SUCLG2: variants seen among roughly 807,000 people sequenced by gnomAD.
SUCLG2 encodes the protein succinate-CoA ligase GDP-forming subunit beta.
In SUCLG2, 42 loss-of-function variants were observed where a neutral mutation model predicts 47.9. The observed-to-expected ratio is 0.88, with a 90% CI of 0.69 to 1.14. The LOEUF (loss-of-function observed/expected upper bound fraction) is 1.14, where lower values mean the gene tolerates loss of function less well. Among genes scored for constraint, SUCLG2 ranks in the 50% most tolerant of loss-of-function variants. SUCLG2 has a pLI of 0.00. For synonymous variants in SUCLG2, 195 were observed against 197.3 expected (o/e 0.99, Z 0.10); for missense variants, 571 against 525.9 (o/e 1.09, Z -0.84).
intron 7 of SUCLG2, among the ~76,000 whole-genome samples, chr3:67,505,286 A>G (rs1411950268): frequency 1.3e-5 from 2 of 152,238 alleles, no homozygotes; most frequent in Non-Finnish European, 2.9e-5. Flanking sequence ...GATTCTCTTC[A>G]GGCCTTAAGC....
At position 67,528,185 on chromosome 3, in the gene SUCLG2, C is replaced by T; in HGVS notation, c.364G>A (p.Gly122Arg). Residue 122 changes from glycine (G) to arginine (R), a missense_variant, in exon 4 of 11, where the codon GGG becomes AGG. Transcript: ENST00000307227. ...VVGQLAKQMI[G>R]YNLATKQTPK... ...GTTTGTTTTGTCGCTAGATTGTACC[C>T]AATCATCTGTTTAGCCAGCTGTCCC... 6.2e-7 allele frequency: 1 copy of T among 1,613,878 alleles called. No homozygotes were observed. Among genetic ancestry groups the T allele is most frequent in the Non-Finnish European group, 8.5e-7 (1 of 1,179,866 alleles).
intron 10 of SUCLG2, among the ~76,000 whole-genome samples, chr3:67,392,957 G>A (rs1339067389): frequency 6.6e-6 from 1 of 152,076 alleles, no homozygotes; most frequent in African/African-American, 2.4e-5. Context: ...TGGGACTAGA[G>A]GCATGCATCA....
intron 9 of SUCLG2, among the ~76,000 whole-genome samples, chr3:67,409,391 A>T (rs934708964): frequency 6.6e-6 from 1 of 152,168 alleles, no homozygotes; most frequent in Non-Finnish European, 1.5e-5. Flanking sequence ...CATCATCATC[A>T]ATACAGATTT....
chr3:67,616,552 A>C (rs1575819398), intron 1 of SUCLG2, among the ~76,000 whole-genome samples: 1 of 152,228 alleles, frequency 6.6e-6, no homozygotes, highest in African/African-American at 2.4e-5. Context: ...ATTTAAAAAA[A>C]TTTTTTTAAT....
intron 2 of SUCLG2, among the ~76,000 whole-genome samples, chr3:67,534,996 G>C (rs1706502277): frequency 6.6e-6 from 1 of 151,956 alleles, no homozygotes; most frequent in East Asian, 1.9e-4. Context: ...ACAGGACAAA[G>C]CAATCCTATT....
At chr3:67,387,398 A>G (rs935451478) in intron 10 of SUCLG2, among the ~76,000 whole-genome samples, 28 of 152,314 alleles carry the variant, frequency 1.8e-4, no homozygotes, top group Admixed American at 1.6e-3. Context: ...AAAGGGGGAA[A>G]GGTCTCTATC....
At position 67,620,584 on chromosome 3, in the gene SUCLG2, C is replaced by CAA. The variant is rs71109890; in HGVS notation, c.85-10990_85-10989dup. Among the ~76,000 whole-genome samples the CAA allele has an allele frequency of 1.2e-3, 74 of 63,428 alleles. 2 individuals are homozygous for CAA. Among genetic ancestry groups the CAA allele is most frequent in the African/African-American group, 1.5e-3 (25 of 16,274 alleles). 41.6% of individuals were successfully genotyped at this position (63,428 alleles called of 152,430 possible). ...TGGGTGACACAGTGAGACTCCATCT[C>CAA]AAAAAAAAAAAAAAAAAAAGAAAGA... On this transcript the variant is annotated intron_variant, in intron 1 of 10. Transcript: ENST00000307227.
chr3:67,450,021 A>G (rs1704018869), intron 9 of SUCLG2, among the ~76,000 whole-genome samples: 1 of 90,800 alleles, frequency 1.1e-5, no homozygotes, highest in East Asian at 3.8e-4. Context: ...ATAAAATACA[A>G]AAAAACAGTA....
At chr3:67,408,579 T>A (rs1261166763) in intron 9 of SUCLG2, 2 of 977,636 alleles carry the variant, frequency 2.0e-6, no homozygotes, top group Non-Finnish European at 2.4e-6. Flanking sequence ...CAGGTTGACC[T>A]CTGAAAGCAG....
At chr3:67,549,938 C>T (rs958235473) in intron 2 of SUCLG2, among the ~76,000 whole-genome samples, 4 of 151,956 alleles carry the variant, frequency 2.6e-5, no homozygotes, top group Admixed American at 1.3e-4. Flanking sequence ...TTTAAATAAG[C>T]TTATTACGTA....
intron 9 of SUCLG2, among the ~76,000 whole-genome samples, chr3:67,492,815 A>G (rs1321897289): frequency 2.0e-5 from 3 of 152,224 alleles, no homozygotes; most frequent in African/African-American, 7.2e-5. Context: ...GTTAGGTCCA[A>G]GTGAAAATCA....
chr3:67,389,485 A>G (rs1412820366), intron 10 of SUCLG2, among the ~76,000 whole-genome samples: 2 of 152,248 alleles, frequency 1.3e-5, no homozygotes, highest in Non-Finnish European at 2.9e-5. Context: ...AAAACCAACC[A>G]AAACCAAAAA....
At chr3:67,469,673 G>C (rs1341601195) in intron 9 of SUCLG2, among the ~76,000 whole-genome samples, 2 of 151,992 alleles carry the variant, frequency 1.3e-5, no homozygotes, top group African/African-American at 2.4e-5. Context: ...AGGTTGCAGT[G>C]AGACGAGACT....
intron 9 of SUCLG2, among the ~76,000 whole-genome samples, chr3:67,417,108 G>C (rs1333754582): frequency 6.6e-6 from 1 of 152,012 alleles, no homozygotes; most frequent in African/African-American, 2.4e-5. Flanking sequence ...TGAAAAAAAA[G>C]AGCAAAGAGA....
exon 11 of SUCLG2, chr3:67,360,700 T>C (rs1701791843): frequency 7.2e-6 from 11 of 1,532,270 alleles, no homozygotes; most frequent in Non-Finnish European, 9.6e-6. Context: ...ATACCAGTTA[T>C]ATTCTCATTT....
chr3:67,589,950 G>T (rs1708114829), intron 2 of SUCLG2, among the ~76,000 whole-genome samples: 1 of 139,282 alleles, frequency 7.2e-6, no homozygotes, highest in Non-Finnish European at 1.6e-5. Context: ...TATTCAATTT[G>T]GGATATACTT....
intron 2 of SUCLG2, among the ~76,000 whole-genome samples, chr3:67,598,335 A>G (rs1475948220): frequency 6.6e-6 from 1 of 152,186 alleles, no homozygotes; most frequent in Non-Finnish European, 1.5e-5. Flanking sequence ...GACAGCTGCT[A>G]TCAAAGAGTC....
chr3:67,595,140 T>C (rs1708265359), intron 2 of SUCLG2, among the ~76,000 whole-genome samples: 1 of 151,640 alleles, frequency 6.6e-6, no homozygotes, highest in South Asian at 2.1e-4. Context: ...ACTTCCATAC[T>C]ACTGGTCATG....
chr3:67,496,645 C>G (rs757338055), intron 8 of SUCLG2, among the ~76,000 whole-genome samples: 1 of 152,088 alleles, frequency 6.6e-6, no homozygotes, highest in Non-Finnish European at 1.5e-5. Context: ...AAAACTGGAA[C>G]CAAAATGTGC....
Sources: gnomAD v4.1 joint callset for allele counts (sites outside exome capture counted in the v4.1 genomes callset) on GRCh38, gnomAD v4.1.1 for gene constraint, MANE v1.5 for transcripts, NCBI Gene and HGNC (gene_info 2026-07-23, HGNC 2026-07-21) for gene names.